The following GPHN variants were observed in gnomAD, a reference collection of about 807,000 sequenced individuals.
GPHN encodes gephyrin.
GPHN carries 17 observed loss-of-function variants against 95.5 expected under a neutral mutation model. The observed-to-expected ratio is 0.18, with a 90% confidence interval of 0.12 to 0.27. GPHN has a LOEUF of 0.27. Ranked by LOEUF, GPHN falls within the 10% of genes least tolerant of loss-of-function variation. The probability of loss-of-function intolerance (pLI) is 1.00; values close to 1 mark genes in which losing one functional copy is unlikely to be tolerated. For missense variants in GPHN, 660 were observed against 978.1 expected (o/e 0.67, Z 4.34); for synonymous variants, 320 against 322.5 (o/e 0.99, Z 0.08).
At chr14:66,804,450 T>A (rs2060469998) in intron 3 of GPHN, among the ~76,000 whole-genome samples, 1 of 152,264 alleles carries the variant, frequency 6.6e-6, no homozygotes. Flanking sequence ...TTGCCTTTCA[T>A]AAGCTTTTTG....
the GPHN span, chr14:67,662,358 G>C: frequency 1.1e-6 from 1 of 952,362 alleles, no homozygotes. Context: ...CATTTAGTAA[G>C]AAATAGTCAA....
the GPHN span, among the ~76,000 whole-genome samples, chr14:67,661,046 CTTCATTGGGATAAGTGGGAAA>C: frequency 6.6e-6 from 1 of 152,036 alleles, no homozygotes; most frequent in Admixed American, 6.6e-5. Flanking sequence ...CTTCTCAGAA[CTTCATTGGGATAAGTGGGAAA>C]TTGAAACACT....
the GPHN span, chr14:67,392,594 G>A: frequency 1.4e-6 from 2 of 1,427,904 alleles, no homozygotes; most frequent in Non-Finnish European, 2.0e-6. Context: ...TGGCCCCCAG[G>A]CCCCCATTCT....
chr14:66,710,968 A>G (rs6573711), intron 2 of GPHN, among the ~76,000 whole-genome samples: 47,309 of 152,146 alleles, frequency 0.31, 11,181 homozygotes, highest in African/African-American at 0.64. Context: ...AGAAAGGTCC[A>G]CATATACCTT....
At chr14:67,708,224 C>CA in the GPHN span, among the ~76,000 whole-genome samples, 14 of 151,156 alleles carry the variant, frequency 9.3e-5, no homozygotes, top group Non-Finnish European at 1.5e-4. Flanking sequence ...CTCTGAAAAA[C>CA]AAAAAAAAGG....
chr14:67,648,190 A>AACCAGGTCT, the GPHN span: 1 of 1,611,570 alleles, frequency 6.2e-7, no homozygotes, highest in Non-Finnish European at 8.5e-7. Flanking sequence ...ACAGGTATGT[A>AACCAGGTCT]GCAACCAGGT....
the GPHN span, among the ~76,000 whole-genome samples, chr14:67,605,058 T>C: frequency 6.6e-6 from 1 of 152,350 alleles, no homozygotes; most frequent in South Asian, 2.1e-4. Context: ...CTTTCAACTT[T>C]ATACCTTTTC....
At chr14:67,695,750 C>A in the GPHN span, 4 of 1,570,096 alleles carry the variant, frequency 2.5e-6, no homozygotes, top group South Asian at 1.1e-5. Context: ...CAGCGTTGCT[C>A]GCCGACTATG....
the GPHN span, chr14:67,586,131 G>A: frequency 8.1e-6 from 13 of 1,610,004 alleles, no homozygotes; most frequent in Non-Finnish European, 1.1e-5. Flanking sequence ...GTTCTACTCT[G>A]GCAAGATGTG....
chr14:67,370,992 A>G, the GPHN span, among the ~76,000 whole-genome samples: 2 of 151,908 alleles, frequency 1.3e-5, no homozygotes, highest in South Asian at 2.1e-4. Flanking sequence ...TCATGCCACT[A>G]CACTCCAGCC....
At chr14:67,391,421 C>T in the GPHN span, among the ~76,000 whole-genome samples, 1 of 151,820 alleles carries the variant, frequency 6.6e-6, no homozygotes, top group Non-Finnish European at 1.5e-5. Context: ...CCCTAGGGGC[C>T]TCTCTTCCTC....
At chr14:67,481,152 T>C in the GPHN span, among the ~76,000 whole-genome samples, 1 of 151,856 alleles carries the variant, frequency 6.6e-6, no homozygotes, top group Admixed American at 6.6e-5. Flanking sequence ...AGTAGGCTGG[T>C]TTGATGTGGT....
the GPHN span, chr14:67,586,210 A>G: frequency 1.5e-6 from 2 of 1,313,156 alleles, no homozygotes; most frequent in African/African-American, 2.9e-5. Context: ...CCCAGATAAA[A>G]TTGTTGGTCT....
At chr14:67,453,937 A>T in the GPHN span, 2 of 152,216 alleles carry the variant, frequency 1.3e-5, no homozygotes, top group South Asian at 4.1e-4. Context: ...GAGGAGAATC[A>T]TACCTCCCTC....
chr14:66,885,405 G>A (rs2064137851), intron 5 of GPHN, among the ~76,000 whole-genome samples: 1 of 152,140 alleles, frequency 6.6e-6, no homozygotes, highest in Non-Finnish European at 1.5e-5. Flanking sequence ...TTAACCTAGT[G>A]TGCTACTAGC....
Position 66,922,784 on chromosome 14 carries a change from C to G in GPHN, c.575C>G (p.Pro192Arg). 1.2e-6 allele frequency: 2 copies of G among 1,613,772 alleles called. No homozygotes were observed. The highest frequency in any genetic ancestry group is 8.5e-7 in the Non-Finnish European group (1 of 1,179,710). Residue 192 changes from proline to arginine, a missense_variant, in exon 7 of 23, where the codon CCT becomes CGT. Around this residue, in one of 6 missense-constraint regions of GPHN, gnomAD observed 190 missense variants for 224.7 expected, o/e 0.85. Coordinates refer to ENST00000478722, the MANE Select transcript of GPHN (RefSeq NM_020806.5). ...ELEDLPSPPP[P>R]LSPPPTTSPH... is the part of the protein sequence containing the mutation. ...GAAGATTTGCCTTCCCCACCTCCCC[C>G]TCTTTCCCCTCCTCCTACTACCAGC... is the stretch of plus-strand genomic sequence containing the variant.
At chr14:67,455,717 T>C in the GPHN span, among the ~76,000 whole-genome samples, 1 of 152,206 alleles carries the variant, frequency 6.6e-6, no homozygotes, top group Non-Finnish European at 1.5e-5. Flanking sequence ...ATTTACCATA[T>C]ATAATAAATT....
chr14:66,779,791 T>A (rs1171331412), intron 3 of GPHN, among the ~76,000 whole-genome samples: 1 of 152,128 alleles, frequency 6.6e-6, no homozygotes, highest in Non-Finnish European at 1.5e-5. Context: ...GAAGTTTGGT[T>A]TTTATCCTGA....
intron 10 of GPHN, 112 bp from the exon 11 acceptor site, chr14:67,058,537 C>A: frequency 2.2e-6 from 2 of 925,048 alleles, no homozygotes; most frequent in Non-Finnish European, 3.6e-6. Context: ...TTCTTACCTG[C>A]TAATCTTCAT....
Sources: gnomAD v4.1 joint callset for allele counts (sites outside exome capture counted in the v4.1 genomes callset) on GRCh38, gnomAD v4.1.1 for gene constraint, gnomAD v4.1.1 regional missense constraint, MANE v1.5 for transcripts, NCBI Gene and HGNC (gene_info 2026-07-23, HGNC 2026-07-21) for gene names.